Variants in GMDS observed in about 807,000 individuals in gnomAD.
The protein encoded by GMDS is GDP-mannose 4,6-dehydratase.
GMDS carries 20 observed loss-of-function variants against 49.9 expected under a neutral mutation model. The observed-to-expected ratio is 0.40, with a 90% confidence interval of 0.28 to 0.58. The LOEUF (loss-of-function observed/expected upper bound fraction) is 0.58. Ranked by LOEUF, GMDS falls within the 20% of genes least tolerant of loss-of-function variation. The probability of loss-of-function intolerance (pLI) is 0.42; values close to 1 mark genes in which losing one functional copy is unlikely to be tolerated. For missense variants in GMDS, 362 were observed against 481.4 expected (o/e 0.75, Z 2.32); for synonymous variants, 177 against 178.6 (o/e 0.99, Z 0.07).
At chr6:2,073,586 A>T (rs1024892777) in intron 4 of GMDS, among the ~76,000 whole-genome samples, 7 of 152,118 alleles carry the variant, frequency 4.6e-5, no homozygotes, top group African/African-American at 1.7e-4. Flanking sequence ...GCTACCAAAT[A>T]TTAGAACTTA....
intron 4 of GMDS, among the ~76,000 whole-genome samples, chr6:2,013,924 CCATATATATATATATATATATA>C: frequency 1.9e-5 from 1 of 51,568 alleles, no homozygotes; most frequent in East Asian, 5.0e-4. Context: ...AGGATAAAAA[CCATATATATATATATATATATA>C]TATATATATA....
chr6:1,832,550 G>A (rs1402891916), intron 7 of GMDS, among the ~76,000 whole-genome samples: 5 of 152,030 alleles, frequency 3.3e-5, no homozygotes, highest in Admixed American at 3.3e-4. Context: ...CTACTTTTGT[G>A]CCCATTACAC....
At chr6:1,985,348 G>T (rs1034805013) in intron 4 of GMDS, among the ~76,000 whole-genome samples, 3 of 151,966 alleles carry the variant, frequency 2.0e-5, no homozygotes, top group African/African-American at 4.8e-5. Context: ...GAATACAAGA[G>T]GGGTAGGGGT....
intron 8 of GMDS, among the ~76,000 whole-genome samples, chr6:1,731,613 T>G (rs1766811699): frequency 6.6e-6 from 1 of 152,328 alleles, no homozygotes; most frequent in South Asian, 2.1e-4. Context: ...CATTATTAAT[T>G]TTGAGATTGG....
chr6:1,937,901 G>A lies in GMDS; in HGVS notation c.644-7671C>T, dbSNP rs1036329303. ...GTTTAGAATATTTGAGGCTAGGTGC[G>A]GTGGCTCATGCCTATAATCCCAGCA... On this transcript the variant is annotated intron_variant, in intron 6 of 10. Coordinates refer to ENST00000380815, the MANE Select transcript of GMDS (RefSeq NM_001500.4). 7.2e-5 allele frequency among the ~76,000 whole-genome samples: 11 copies of A among 152,278 alleles called. No individual in the cohort carries two copies. The East Asian group carries it at 9.6e-4, about 13-fold the overall frequency.
intron 1 of GMDS, among the ~76,000 whole-genome samples, chr6:2,198,979 G>C (rs1358641389): frequency 6.6e-6 from 1 of 152,138 alleles, no homozygotes; most frequent in Non-Finnish European, 1.5e-5. Context: ...CTTATATCAA[G>C]TGTTTGCCAT....
At chr6:1,760,531 G>A (rs1217158286) in intron 7 of GMDS, among the ~76,000 whole-genome samples, 1 of 152,158 alleles carries the variant, frequency 6.6e-6, no homozygotes, top group Non-Finnish European at 1.5e-5. Flanking sequence ...CCTCATGAGG[G>A]TGTCATCAAC....
chr6:2,128,518 C>T (rs953389220), intron 1 of GMDS, among the ~76,000 whole-genome samples: 5 of 152,090 alleles, frequency 3.3e-5, no homozygotes, highest in Admixed American at 1.3e-4. Context: ...TTTGGCATCT[C>T]GGGTAACTGA....
At chr6:1,735,112 C>A (rs1389751273) in intron 8 of GMDS, among the ~76,000 whole-genome samples, 2 of 152,186 alleles carry the variant, frequency 1.3e-5, no homozygotes, top group Non-Finnish European at 2.9e-5. Context: ...CTTACAGAGG[C>A]TTCCTGAGGG....
intron 7 of GMDS, among the ~76,000 whole-genome samples, chr6:1,893,383 G>T (rs923708869): frequency 6.6e-5 from 10 of 151,780 alleles, no homozygotes; most frequent in African/African-American, 2.4e-4. Context: ...GTAGAGACAG[G>T]GTTTCACCAT....
At chr6:1,736,730 T>C (rs1161925532) in intron 8 of GMDS, among the ~76,000 whole-genome samples, 2 of 152,194 alleles carry the variant, frequency 1.3e-5, no homozygotes, top group African/African-American at 4.8e-5. Flanking sequence ...TAGGGAATAA[T>C]ACAGAGCTGC....
intron 4 of GMDS, among the ~76,000 whole-genome samples, chr6:2,063,563 G>A (rs114997227): frequency 0.017 from 2,645 of 152,264 alleles, 59 homozygotes; most frequent in African/African-American, 0.047. Flanking sequence ...TATAATAAAT[G>A]TTAATATGTA....
intron 4 of GMDS, among the ~76,000 whole-genome samples, chr6:2,016,482 C>A (rs900653533): frequency 6.6e-6 from 1 of 152,096 alleles, no homozygotes; most frequent in African/African-American, 2.4e-5. Flanking sequence ...CAAAAGGAGA[C>A]AGAATCAAAT....
At chr6:2,056,117 T>A (rs1770762838) in intron 4 of GMDS, among the ~76,000 whole-genome samples, 1 of 152,176 alleles carries the variant, frequency 6.6e-6, no homozygotes, top group African/African-American at 2.4e-5. Context: ...ACTGCTTGTA[T>A]GTCACCAAAT....
intron 4 of GMDS, among the ~76,000 whole-genome samples, chr6:2,076,101 G>T (rs923421067): frequency 3.3e-5 from 5 of 151,770 alleles, no homozygotes; most frequent in African/African-American, 1.2e-4. Flanking sequence ...TGTTGATGGG[G>T]TTGTTTTTTC....
At chr6:1,798,247 A>G (rs1157038573) in intron 7 of GMDS, among the ~76,000 whole-genome samples, 184 of 57,760 alleles carry the variant, frequency 3.2e-3, no homozygotes, top group African/African-American at 0.014. Flanking sequence ...GCACACACAC[A>G]CACACACACA....
At chr6:2,166,845 A>AG (rs1777694352) in intron 1 of GMDS, among the ~76,000 whole-genome samples, 1 of 152,200 alleles carries the variant, frequency 6.6e-6, no homozygotes, top group Admixed American at 6.5e-5. Context: ...TGTCACACCT[A>AG]GTGAGCAAAA....
intron 1 of GMDS, among the ~76,000 whole-genome samples, chr6:2,136,921 A>G (rs926892280): frequency 4.6e-5 from 7 of 151,594 alleles, no homozygotes; most frequent in Admixed American, 1.3e-4. Context: ...AAAAAAAAAA[A>G]AAAGAAAGAA....
intron 1 of GMDS, among the ~76,000 whole-genome samples, chr6:2,237,350 T>C (rs1781408013): frequency 6.6e-6 from 1 of 152,280 alleles, no homozygotes; most frequent in Admixed American, 6.5e-5. Flanking sequence ...TTCTATCCTA[T>C]AGGATTACCT....
Sources: gnomAD v4.1 joint callset for allele counts (sites outside exome capture counted in the v4.1 genomes callset) on GRCh38, gnomAD v4.1.1 for gene constraint, MANE v1.5 for transcripts, NCBI Gene and HGNC (gene_info 2026-07-23, HGNC 2026-07-21) for gene names.